The following ECSIT variants were observed in gnomAD, a reference collection of about 807,000 sequenced individuals.
The protein encoded by ECSIT is evolutionarily conserved signaling intermediate in Toll pathway, mitochondrial.
ECSIT carries 29 observed loss-of-function variants against 36.8 expected under a neutral mutation model. That is an observed-to-expected ratio of 0.79 (90% CI 0.59 to 1.08). The LOEUF (loss-of-function observed/expected upper bound fraction) is 1.08. Ranked by LOEUF, ECSIT falls within the 50% of genes least tolerant of loss-of-function variation. The pLI is 0.00. For missense variants in ECSIT, 542 were observed against 581.0 expected (o/e 0.93, Z 0.69); for synonymous variants, 231 against 234.8 (o/e 0.98, Z 0.15).
At chr19:11,518,126 A>C (rs976912616) in intron 2 of ECSIT, among the ~76,000 whole-genome samples, 1 of 143,744 alleles carries the variant, frequency 7.0e-6, no homozygotes. Context: ...CCATATACTT[A>C]AAAAAAAAAA....
At chr19:11,506,906 T>C (rs1202881840) in intron 7 of ECSIT, among the ~76,000 whole-genome samples, 1 of 152,174 alleles carries the variant, frequency 6.6e-6, no homozygotes, top group Admixed American at 6.5e-5. Context: ...CACTCCACAC[T>C]TCACCCGGGC....
chr19:11,517,906 G>T (rs770401451), intron 2 of ECSIT, among the ~76,000 whole-genome samples: 24 of 152,110 alleles, frequency 1.6e-4, no homozygotes, highest in Non-Finnish European at 3.1e-4. Context: ...AGTAGATGCA[G>T]GAGGAGCTGC....
chr19:11,513,666 AAGAGGGATTCGG>A, intron 3 of ECSIT, 126 bp downstream of exon 3: 1 of 1,054,028 alleles, frequency 9.5e-7, no homozygotes, highest in Non-Finnish European at 1.4e-6. Context: ...GAGTGATGAA[AAGAGGGATTCGG>A]AGAGGGAGAA....
intron 1 of ECSIT, chr19:11,523,703 C>T (rs530637241): frequency 3.3e-5 from 23 of 702,266 alleles, no homozygotes; most frequent in African/African-American, 1.4e-4. Context: ...GAATGGGTAG[C>T]GCTCTGTAAA....
In ECSIT at chr19:11,507,555, T is replaced by C; in HGVS notation, c.953A>G (p.Glu318Gly). The change falls in exon 7 of 8, where the codon GAA (glutamate) becomes GGA (glycine). Residue 318 changes from glutamate to glycine, a missense_variant. Glu to Gly is a moderately conservative substitution (Grantham distance 98, BLOSUM62 -2). Transcript: ENST00000270517. ...GAGGTTCCACTCCTCCGGCGTCTCT[T>C]CCACTTCCTACTCCAAGGTGGGGAG... ...DLLPPEEREV[E>G]ETPEEWNLYY... 1.2e-6 allele frequency: 2 copies of C among 1,614,044 alleles called. No homozygotes were observed. The highest frequency in any genetic ancestry group is 1.7e-6 in the Non-Finnish European group (2 of 1,179,996).
Position 11,514,174 on chromosome 19 carries a change from A to G in ECSIT, c.144T>C (p.His48=). 1 of 1,611,348 alleles carries G rather than the reference A, an allele frequency of 6.2e-7. No individual in the cohort carries two copies. The highest frequency in any genetic ancestry group is 1.7e-4 in the Middle Eastern group (1 of 5,970). ...PRGLHCSAAA[H]SSEQSLVPSP... ...TGGGAACCAGGGACTGTTCAGAGCT[A>G]TGGGCAGCTGCGCTGCAGTGGAGGC... is the stretch of plus-strand genomic sequence containing the variant. The change falls in exon 3 of 8, where the codon CAT becomes CAC. Residue 48 remains histidine, a synonymous_variant. Coordinates refer to ENST00000270517, the MANE Select transcript of ECSIT (RefSeq NM_016581.5).
Position 11,514,184 on chromosome 19 carries a change from G to A in ECSIT, c.134C>T (p.Ala45Val), listed in dbSNP as rs963481755. Residue 45 changes from alanine (A) to valine (V), a missense_variant, in exon 3 of 8, where the codon GCA (alanine) becomes GTA (valine). Ala to Val is a moderately conservative substitution (Grantham distance 64). Coordinates refer to ENST00000270517, the MANE Select transcript of ECSIT (RefSeq NM_016581.5). ...RRLPRGLHCS[A>V]AAHSSEQSLV... ...GGACTGTTCAGAGCTATGGGCAGCT[G>A]CGCTGCAGTGGAGGCCCCGAGGGAG... is the stretch of plus-strand genomic sequence containing the variant. The A allele has an allele frequency of 6.2e-6, 10 of 1,609,408 alleles. No homozygotes were observed. Among genetic ancestry groups the A allele is most frequent in the Non-Finnish European group, 8.5e-6 (10 of 1,177,194 alleles).
chr19:11,510,936 GC>G (rs1247876489), intron 4 of ECSIT, among the ~76,000 whole-genome samples: 1 of 150,720 alleles, frequency 6.6e-6, no homozygotes, highest in East Asian at 1.9e-4. Context: ...TTAAATCTCT[GC>G]CCCCCCACCC....
intron 1 of ECSIT, among the ~76,000 whole-genome samples, chr19:11,520,899 G>A (rs776620392): frequency 5.3e-5 from 8 of 150,422 alleles, no homozygotes; most frequent in Non-Finnish European, 1.0e-4. Context: ...TCTGCCTCCC[G>A]GGTTCAAGTG....
At chr19:11,523,046 G>C (rs765314011) in intron 1 of ECSIT, among the ~76,000 whole-genome samples, 10 of 152,102 alleles carry the variant, frequency 6.6e-5, no homozygotes, top group African/African-American at 9.7e-5. Flanking sequence ...ACTCCAGCCT[G>C]GGTGACAGAG....
chr19:11,515,102 G>C (rs1340753932), intron 2 of ECSIT, among the ~76,000 whole-genome samples: 1 of 130,060 alleles, frequency 7.7e-6, no homozygotes, highest in Non-Finnish European at 1.5e-5. Flanking sequence ...GCCTCCCCAA[G>C]TCTTTTTTTT....
intron 3 of ECSIT, 79 bp from the exon 4 acceptor site, chr19:11,513,358 A>G (rs878968531): frequency 8.5e-7 from 1 of 1,182,038 alleles, no homozygotes; most frequent in Non-Finnish European, 1.3e-6. Context: ...AAAACAGTGA[A>G]GTGAGGGAAT....
chr19:11,519,148 AG>A lies in ECSIT; in HGVS notation c.22del (p.Leu8TyrfsTer166). The A allele has an allele frequency of 6.5e-7, 1 of 1,550,298 alleles. No homozygotes were observed. The highest frequency in any genetic ancestry group is 8.7e-7 in the Non-Finnish European group (1 of 1,146,904). ...GGCCCTACAGAGGCCTCGGGCCAGT[AG>A]GGTGGCCTGGACCCAGCTCATGCCT... MSWVQAT[L>X]LARGLCRAWG... On this transcript the variant is annotated frameshift_variant, in exon 2 of 8. Coordinates refer to ENST00000270517, the MANE Select transcript of ECSIT (RefSeq NM_016581.5). LOFTEE classifies it high-confidence loss of function. This position sits in a 1 kb window ranked among gnomAD's most constrained non-coding sequence, Gnocchi z 4.4.
At chr19:11,514,522 T>A (rs1445108379) in intron 2 of ECSIT, among the ~76,000 whole-genome samples, 1 of 151,764 alleles carries the variant, frequency 6.6e-6, no homozygotes, top group Non-Finnish European at 1.5e-5. Context: ...TTTTGGGTTT[T>A]TTTTTTTGGT....
intron 1 of ECSIT, chr19:11,522,248 AC>A: frequency 1.6e-6 from 1 of 618,622 alleles, no homozygotes; most frequent in Non-Finnish European, 2.9e-6. Context: ...CACAACATGT[AC>A]CAGGAATATT....
intron 1 of ECSIT, among the ~76,000 whole-genome samples, chr19:11,526,719 C>CA (rs1165517197): frequency 3.0e-5 from 4 of 131,728 alleles, no homozygotes; most frequent in Admixed American, 2.3e-4. Flanking sequence ...CCAGAGGGAG[C>CA]TTTTTTTTTT....
At chr19:11,523,133 C>T (rs1464543455) in intron 1 of ECSIT, among the ~76,000 whole-genome samples, 1 of 152,236 alleles carries the variant, frequency 6.6e-6, no homozygotes, top group South Asian at 2.1e-4. Context: ...GCCTCTGCCA[C>T]CCCTAAGACA....
Position 11,506,185 on chromosome 19 carries a change from T to C in ECSIT, c.1295A>G (p.Ter432TrpextTer17). ...CCCGTGCCCTCGCGCCGGCTCAGAC[T>C]AGCTCTGGCCCTGCTGCTGTCGCTG... ...NLQRQQQGQS* is the reference protein window; with the variant it reads ...NLQRQQQGQSW Residue 432 changes from the stop codon to tryptophan, a stop_lost, in exon 8 of 8, where the codon TAG becomes TGG. Coordinates refer to ENST00000270517, the MANE Select transcript of ECSIT (RefSeq NM_016581.5). 1.2e-6 allele frequency: 2 copies of C among 1,604,776 alleles called. No individual in the cohort carries two copies. Among genetic ancestry groups the C allele is most frequent in the Non-Finnish European group, 8.5e-7 (1 of 1,179,878 alleles).
rs761799054 is a variant in ECSIT, at chr19:11,506,454, G to T, written c.1052-26C>A. The T allele has an allele frequency of 5.0e-6, 8 of 1,592,742 alleles. No homozygotes were observed. The East Asian group carries it at 1.8e-4, about 36-fold the overall frequency. ...CTGTTGGAAGACATGCACCCTTAAG[G>T]TTTGCACAGTGGGGGCTGCAGCGGC... is the stretch of plus-strand genomic sequence containing the variant. On this transcript the variant is annotated intron_variant, in intron 7 of 7. Transcript: ENST00000270517.
Sources: allele counts gnomAD v4.1 joint callset (sites outside exome capture counted in the v4.1 genomes callset), GRCh38; gene constraint gnomAD v4.1.1; non-coding constraint Gnocchi (gnomAD v3.1); transcripts MANE v1.5; gene names NCBI Gene and HGNC (gene_info 2026-07-23, HGNC 2026-07-21).